CDH13: variants seen among roughly 807,000 people sequenced by gnomAD.
CDH13 encodes the protein cadherin 13.
In CDH13, 24 loss-of-function variants were observed where a neutral mutation model predicts 63.8. The ratio of observed to expected loss-of-function variants is 0.38; its 90% CI spans 0.27 to 0.53. The LOEUF (loss-of-function observed/expected upper bound fraction) is 0.53. Ranked by LOEUF, CDH13 falls within the 20% of genes least tolerant of loss-of-function variation. The pLI is 0.85. For missense variants in CDH13, 1,049 were observed against 903.1 expected, an observed-to-expected ratio of 1.16 and a Z score of -2.07; for synonymous variants, 503 against 355.3, an observed-to-expected ratio of 1.42 and a Z score of -4.67.
At chr16:83,585,300 G>A (rs1294091854) in intron 7 of CDH13, among the ~76,000 whole-genome samples, 2 of 152,166 alleles carry the variant, frequency 1.3e-5, no homozygotes, top group African/African-American at 2.4e-5. Context: ...GGCAAAGTAA[G>A]ACACAACAGT....
chr16:83,716,317 T>C (rs976736786), intron 10 of CDH13, among the ~76,000 whole-genome samples: 1 of 152,130 alleles, frequency 6.6e-6, no homozygotes, highest in Non-Finnish European at 1.5e-5. Flanking sequence ...CCTTTTGGTG[T>C]TGGAAATCCC....
intron 1 of CDH13, among the ~76,000 whole-genome samples, chr16:82,701,698 C>T (rs987352310): frequency 3.9e-5 from 6 of 152,152 alleles, no homozygotes; most frequent in African/African-American, 1.4e-4. Flanking sequence ...AGCCCATCCT[C>T]AGCATTTCCA....
rs142091386 is a variant in CDH13 at position 83,437,213 on chromosome 16, C to A, written c.782-49264C>A. Among the ~76,000 whole-genome samples, 48 of 152,098 alleles carry A rather than the reference C, an allele frequency of 3.2e-4. No individual in the cohort carries two copies. In the East Asian group the frequency reaches 8.9e-3, roughly 28 times the overall value. ...TGACTCTCATTTATCAGCTGTGTGA[C>A]CTTGGGTGAGTTACTTGACCTCTCT... On this transcript the variant is annotated intron_variant, in intron 6 of 13. Transcript: ENST00000567109.
chr16:83,407,962 C>A (rs1449512933), intron 6 of CDH13, among the ~76,000 whole-genome samples: 1 of 152,140 alleles, frequency 6.6e-6, no homozygotes, highest in African/African-American at 2.4e-5. Flanking sequence ...GCCCTCTTCC[C>A]ACAACATTCC....
At chr16:83,429,649 C>A (rs983896794) in intron 6 of CDH13, among the ~76,000 whole-genome samples, 3 of 152,156 alleles carry the variant, frequency 2.0e-5, no homozygotes, top group African/African-American at 4.8e-5. Context: ...GGGAAGGTGA[C>A]CAGTTGTGGC....
chr16:82,890,909 C>T (rs898638709), intron 2 of CDH13, among the ~76,000 whole-genome samples: 7 of 152,100 alleles, frequency 4.6e-5, no homozygotes, highest in South Asian at 2.1e-4. Flanking sequence ...ACCGCAGCCT[C>T]CCAAAGTGCT....
intron 4 of CDH13, among the ~76,000 whole-genome samples, chr16:83,196,142 G>T (rs747661334): frequency 7.2e-5 from 11 of 152,218 alleles, no homozygotes; most frequent in Admixed American, 1.3e-4. Flanking sequence ...TGTAGTGCCA[G>T]CTACTCGGGA....
chr16:83,105,940 A>G (rs1567834795), intron 3 of CDH13, among the ~76,000 whole-genome samples: 1 of 152,234 alleles, frequency 6.6e-6, no homozygotes, highest in Non-Finnish European at 1.5e-5. Flanking sequence ...ACAGTGTGGC[A>G]TGTTTGGGCA....
chr16:83,426,421 A>G (rs773514820), intron 6 of CDH13, among the ~76,000 whole-genome samples: 10 of 151,978 alleles, frequency 6.6e-5, no homozygotes, highest in African/African-American at 2.2e-4. Context: ...TCTAATTCCA[A>G]TATTTCCCAC....
chr16:83,162,316 TCATGATGATGAAAG>T (rs769390338), intron 4 of CDH13, among the ~76,000 whole-genome samples: 32 of 152,298 alleles, frequency 2.1e-4, no homozygotes, highest in African/African-American at 4.6e-4. Flanking sequence ...AAAGATGCTT[TCATGATGATGAAAG>T]CATCATCATG....
chr16:83,379,938 T>TATAGAGAGAGAGAGAGAGAGAGAGAG, intron 6 of CDH13, among the ~76,000 whole-genome samples: 14 of 123,440 alleles, frequency 1.1e-4, no homozygotes, highest in African/African-American at 1.6e-4. Context: ...TATATATATA[T>TATAGAGAGAGAGAGAGAGAGAGAGAG]AGAGAGAGAG....
chr16:83,667,863 A>AT (rs1294403910), intron 8 of CDH13, among the ~76,000 whole-genome samples: 1 of 151,976 alleles, frequency 6.6e-6, no homozygotes, highest in Non-Finnish European at 1.5e-5. Context: ...GAATCTCACT[A>AT]TGTTGCCCAG....
intron 6 of CDH13, among the ~76,000 whole-genome samples, chr16:83,469,927 G>A (rs1186114606): frequency 6.6e-6 from 1 of 152,278 alleles, no homozygotes; most frequent in Non-Finnish European, 1.5e-5. Context: ...ACCCCTACAG[G>A]CTGGGAGACT....
chr16:83,243,944 G>A (rs1415905878), intron 5 of CDH13, among the ~76,000 whole-genome samples: 1 of 152,116 alleles, frequency 6.6e-6, no homozygotes. Context: ...TAACTATGAA[G>A]CCCTTTCCCA....
intron 10 of CDH13, among the ~76,000 whole-genome samples, chr16:83,705,637 G>C (rs1598525162): frequency 1.3e-5 from 2 of 152,136 alleles, no homozygotes; most frequent in African/African-American, 4.8e-5. Flanking sequence ...AAAAGAAAAA[G>C]AATGATATTA....
intron 11 of CDH13, among the ~76,000 whole-genome samples, chr16:83,775,223 A>T (rs951676097): frequency 1.1e-4 from 16 of 151,772 alleles, no homozygotes; most frequent in Non-Finnish European, 2.4e-4. Flanking sequence ...TTGGCCTCAG[A>T]TCTTCTGCTC....
intron 4 of CDH13, among the ~76,000 whole-genome samples, chr16:83,154,428 G>A (rs909536340): frequency 4.6e-5 from 7 of 151,978 alleles, no homozygotes; most frequent in African/African-American, 1.7e-4. Context: ...TTAGCAAGGT[G>A]TGGTGGCATA....
intron 2 of CDH13, among the ~76,000 whole-genome samples, chr16:82,986,980 C>A (rs184290199): frequency 6.6e-6 from 1 of 152,182 alleles, no homozygotes. Flanking sequence ...CCCATCTATT[C>A]CATCTTATCT....
At chr16:82,777,431 C>G (rs76509377) in intron 1 of CDH13, among the ~76,000 whole-genome samples, 1 of 152,324 alleles carries the variant, frequency 6.6e-6, no homozygotes, top group East Asian at 1.9e-4. Context: ...TTTTGCTTAA[C>G]TCCACACTGT....
Sources: gnomAD v4.1 joint callset for allele counts (sites outside exome capture counted in the v4.1 genomes callset) on GRCh38, gnomAD v4.1.1 for gene constraint, MANE v1.5 for transcripts, NCBI Gene and HGNC (gene_info 2026-07-23, HGNC 2026-07-21) for gene names.